The following CACNA1B variants were observed in gnomAD, a reference collection of about 807,000 sequenced individuals.
CACNA1B encodes the protein voltage-dependent N-type calcium channel subunit alpha-1B.
CACNA1B carries 70 observed loss-of-function variants against 247.2 expected under a neutral mutation model. The ratio of observed to expected loss-of-function variants is 0.28; its 90% CI spans 0.23 to 0.35. The LOEUF (loss-of-function observed/expected upper bound fraction) is 0.35, where lower values mean the gene tolerates loss of function less well. Ranked by LOEUF, CACNA1B falls within the 10% of genes least tolerant of loss-of-function variation. CACNA1B has a pLI of 1.00. For synonymous variants in CACNA1B, 1,231 were observed against 1,294.4 expected, an observed-to-expected ratio of 0.95 and a Z score of 1.05; for missense variants, 2,367 against 3,197.4, an observed-to-expected ratio of 0.74 and a Z score of 6.26.
intron 15 of CACNA1B, among the ~76,000 whole-genome samples, chr9:137,994,464 C>T (rs1958472964): frequency 6.6e-6 from 1 of 152,172 alleles, no homozygotes; most frequent in South Asian, 2.1e-4. Context: ...AAAGACTTTT[C>T]CAAAAAGCTC....
rs1260652418 is a variant in CACNA1B at position 138,102,321 on chromosome 9, A to T, written c.5223-390A>T. 6.6e-6 allele frequency among the ~76,000 whole-genome samples: 1 copy of T among 152,138 alleles called. No homozygotes were observed. Among genetic ancestry groups the T allele is most frequent in the Non-Finnish European group, 1.5e-5 (1 of 68,030 alleles). On this transcript the variant is annotated intron_variant, in intron 37 of 46. Coordinates refer to ENST00000371372, the MANE Select transcript of CACNA1B (RefSeq NM_000718.4). This position sits in a 1 kb window ranked among gnomAD's most constrained non-coding sequence, Gnocchi z 5.4. ...CCTGCCAGCTCTTCTGGCAGGGTGG[A>T]CCAGCTCTTTTCTGATTGGCATTCA...
At chr9:138,033,725 A>G (rs891153510) in intron 20 of CACNA1B, among the ~76,000 whole-genome samples, 5 of 152,218 alleles carry the variant, frequency 3.3e-5, no homozygotes, top group Admixed American at 6.5e-5. Context: ...CCTTCTTCAC[A>G]GGGTGGCAGG....
chr9:138,053,388 G>A (rs895089997), intron 25 of CACNA1B, among the ~76,000 whole-genome samples: 5 of 152,166 alleles, frequency 3.3e-5, no homozygotes, highest in South Asian at 2.1e-4. Context: ...GGAAGCTGGC[G>A]GTGGAGCCTC....
Position 138,004,944 on chromosome 9 carries a change from C to T in CACNA1B, c.1975-1823C>T, listed in dbSNP as rs1353576873. 3.3e-5 allele frequency among the ~76,000 whole-genome samples: 5 copies of T among 152,358 alleles called. No homozygotes were observed. In the East Asian group the frequency reaches 7.7e-4, roughly 23 times the overall value. On this transcript the variant is annotated intron_variant, in intron 15 of 46. Coordinates refer to ENST00000371372, the MANE Select transcript of CACNA1B (RefSeq NM_000718.4). ...TCCAAACCACAGTGAGGTATCGTCT[C>T]ACCCATTTGGGATGGCTATTATCAA...
intron 36 of CACNA1B, 53 bp from the exon 37 acceptor site, chr9:138,096,431 G>A (rs1961058485): frequency 4.5e-6 from 7 of 1,554,872 alleles, no homozygotes; most frequent in South Asian, 3.4e-5. Flanking sequence ...GGGGCGGCGG[G>A]GAGGGCAGGC....
At chr9:137,937,185 G>C (rs1388678712) in intron 6 of CACNA1B, among the ~76,000 whole-genome samples, 1 of 152,046 alleles carries the variant, frequency 6.6e-6, no homozygotes, top group African/African-American at 2.4e-5. Context: ...TCTCCTTGAA[G>C]AGGTCCTTCA....
Position 137,919,849 on chromosome 9 carries a change from T to A in CACNA1B, c.966+2418T>A, listed in dbSNP as rs1358785038. ...GCTGGTGGCAGCGGGTGGGGCAGCG[T>A]GGGGGCACTCCAGCTTGAGGAGAAA... is the stretch of plus-strand genomic sequence containing the variant. On this transcript the variant is annotated intron_variant, in intron 6 of 46. Transcript: ENST00000371372. This position sits in a 1 kb window ranked among gnomAD's most constrained non-coding sequence, Gnocchi z 4.6. 1.3e-5 allele frequency among the ~76,000 whole-genome samples: 2 copies of A among 151,954 alleles called. No individual in the cohort carries two copies. The highest frequency in any genetic ancestry group is 2.9e-5 in the Non-Finnish European group (2 of 67,996).
Position 137,879,055 on chromosome 9 carries a change from C to G in CACNA1B, c.286C>G (p.Pro96Ala). 2 of 1,607,446 alleles carry G rather than the reference C, an allele frequency of 1.2e-6. No homozygotes were observed. Among genetic ancestry groups the G allele is most frequent in the Non-Finnish European group, 1.7e-6 (2 of 1,175,408 alleles). ...CCGGCCAGTCCTTAACTCACGCACT[C>G]CATTCGAGTATATGATCCTGGCCAC... The part of the protein sequence containing the change: ...KYAKRITEWP[P>A]FEYMILATII... Residue 96 changes from proline (P) to alanine (A), a missense_variant and splice_region_variant, in exon 2 of 47, where the codon CCA becomes GCA. By Grantham distance (27) the Pro-to-Ala change is conservative (BLOSUM62 -1). Coordinates refer to ENST00000371372, the MANE Select transcript of CACNA1B (RefSeq NM_000718.4).
chr9:138,081,358 C>T (rs529698948), intron 36 of CACNA1B, among the ~76,000 whole-genome samples: 124 of 152,344 alleles, frequency 8.1e-4, no homozygotes, highest in South Asian at 1.7e-3. Context: ...TCTTGGCTAA[C>T]CCTGGTGTCT....
At chr9:137,922,087 C>T (rs1246707231) in intron 6 of CACNA1B, among the ~76,000 whole-genome samples, 2 of 148,520 alleles carry the variant, frequency 1.3e-5, no homozygotes, top group East Asian at 2.0e-4. Context: ...GTAAAGCGTT[C>T]GGAGAACATG....
chr9:137,894,408 A>G (rs1477245693), intron 3 of CACNA1B, among the ~76,000 whole-genome samples: 1 of 143,596 alleles, frequency 7.0e-6, no homozygotes, highest in East Asian at 2.0e-4. Flanking sequence ...GTTCTCTGCC[A>G]TCTGCATATC....
chr9:138,026,822 GTTTATC>G (rs1015611080), intron 20 of CACNA1B, among the ~76,000 whole-genome samples: 119 of 152,304 alleles, frequency 7.8e-4, no homozygotes, highest in African/African-American at 2.5e-3. Flanking sequence ...TGGTAAGACT[GTTTATC>G]TTTATAAGAA....
chr9:138,064,265 C>T (rs911281035), intron 31 of CACNA1B, among the ~76,000 whole-genome samples: 7 of 152,186 alleles, frequency 4.6e-5, no homozygotes, highest in Admixed American at 2.6e-4. Context: ...TGTCTGGATC[C>T]AGTGTGCAAT....
intron 15 of CACNA1B, among the ~76,000 whole-genome samples, chr9:137,987,192 C>T (rs1013086213): frequency 3.9e-5 from 6 of 152,178 alleles, no homozygotes; most frequent in African/African-American, 1.4e-4. Context: ...TTTTATTCTC[C>T]GAGAACAAAA....
Position 137,919,368 on chromosome 9 carries a change from C to T in CACNA1B, c.966+1937C>T, listed in dbSNP as rs1277697198. On this transcript the variant is annotated intron_variant, in intron 6 of 46. Coordinates refer to ENST00000371372, the MANE Select transcript of CACNA1B (RefSeq NM_000718.4). This position sits in a 1 kb window ranked among gnomAD's most constrained non-coding sequence, Gnocchi z 4.6. ...GTACAGGGTACTGGGAGGGCAAGGCCTGGTGAGGTCTAGAAACCAGACATG... is the reference window on the plus strand; with the variant it reads ...GTACAGGGTACTGGGAGGGCAAGGCTTGGTGAGGTCTAGAAACCAGACATG... Among the ~76,000 whole-genome samples, 1 of 152,212 alleles carries T rather than the reference C, an allele frequency of 6.6e-6. No homozygotes were observed. The highest frequency in any genetic ancestry group is 1.5e-5 in the Non-Finnish European group (1 of 68,030).
rs1589102605 is a variant in CACNA1B, at chr9:138,058,552, C to T, written c.4309-17C>T. On this transcript the variant is annotated splice_polypyrimidine_tract_variant and intron_variant, in intron 28 of 46. Coordinates refer to ENST00000371372, the MANE Select transcript of CACNA1B (RefSeq NM_000718.4). This position sits in a 1 kb window ranked among gnomAD's most constrained non-coding sequence, Gnocchi z 4.7. ...TTTTCTGCTTCTGAGTCTCTGTGCTCCTTTCTCCCCTTACAGAGGGCTTGC... is the reference window on the plus strand; with the variant it reads ...TTTTCTGCTTCTGAGTCTCTGTGCTTCTTTCTCCCCTTACAGAGGGCTTGC... 1 of 1,601,602 alleles carries T rather than the reference C, an allele frequency of 6.2e-7. No homozygotes were observed. The highest frequency in any genetic ancestry group is 8.5e-7 in the Non-Finnish European group (1 of 1,175,138).
At chr9:137,939,875 A>G (rs2133317271) in intron 6 of CACNA1B, among the ~76,000 whole-genome samples, 1 of 151,942 alleles carries the variant, frequency 6.6e-6, no homozygotes. Context: ...TTCGAACTGA[A>G]TGACAGTAGT....
Position 137,940,115 on chromosome 9 carries a change from A to T in CACNA1B, c.967-12159A>T, listed in dbSNP as rs1957716068. On this transcript the variant is annotated intron_variant, in intron 6 of 46. Coordinates refer to ENST00000371372, the MANE Select transcript of CACNA1B (RefSeq NM_000718.4). The stretch of plus-strand genomic sequence containing the variant: ...AAACTTAAACAAAAAAACACAAAAG[A>T]TAAATGAAACAAAAAGCTAGTTCTT... Among the ~76,000 whole-genome samples, 5 of 152,294 alleles carry T rather than the reference A, an allele frequency of 3.3e-5. No homozygotes were observed. In the South Asian group the frequency reaches 6.2e-4, roughly 19 times the overall value.
At chr9:138,000,234 G>T (rs962803293) in intron 15 of CACNA1B, among the ~76,000 whole-genome samples, 1 of 151,564 alleles carries the variant, frequency 6.6e-6, no homozygotes, top group African/African-American at 2.4e-5. Flanking sequence ...GAGTGGCTGG[G>T]ACTACAGGCG....
Sources: allele counts gnomAD v4.1 joint callset (sites outside exome capture counted in the v4.1 genomes callset), GRCh38; gene constraint gnomAD v4.1.1; non-coding constraint Gnocchi (gnomAD v3.1); transcripts MANE v1.5; gene names NCBI Gene and HGNC (gene_info 2026-07-23, HGNC 2026-07-21).